SCAMP4: variants seen among roughly 807,000 people sequenced by gnomAD.
The protein encoded by SCAMP4 is secretory carrier-associated membrane protein 4.
A neutral mutation model predicts 32.1 loss-of-function variants in SCAMP4; 19 were observed. The ratio of observed to expected loss-of-function variants is 0.59; its 90% CI spans 0.41 to 0.87. SCAMP4 has a LOEUF of 0.87. SCAMP4 is among the 40% of genes least tolerant of loss of function. The probability of loss-of-function intolerance (pLI) is 0.00; values close to 1 mark genes in which losing one functional copy is unlikely to be tolerated. For missense variants in SCAMP4, 302 were observed against 309.0 expected, an observed-to-expected ratio of 0.98 and a Z score of 0.17; for synonymous variants, 152 against 132.7, an observed-to-expected ratio of 1.15 and a Z score of -1.00.
intron 1 of SCAMP4, among the ~76,000 whole-genome samples, chr19:1,907,837 G>A (rs892061249): frequency 1.3e-5 from 2 of 152,156 alleles, no homozygotes; most frequent in African/African-American, 4.8e-5. Context: ...GTCGCTGTGG[G>A]AGTGAGTCGT....
chr19:1,922,899 G>A lies in SCAMP4; in HGVS notation c.396-171G>A, dbSNP rs575007750. On this transcript the variant is annotated intron_variant, in intron 5 of 6. Transcript: ENST00000316097. ...AAGGTCGTATTCACGCGTTGAAGTT[G>A]GTGCCTCTCAGTATCGCTTTATGTT... is the stretch of plus-strand genomic sequence containing the variant. 5 of 1,337,950 alleles carry A rather than the reference G, an allele frequency of 3.7e-6. No homozygotes were observed. In the South Asian group the frequency reaches 9.8e-5, roughly 26 times the overall value. 82.9% of individuals were successfully genotyped at this position (1,337,950 alleles called of 1,614,324 possible). A position where few individuals can be genotyped will look rare whatever the true frequency, so the allele number is the denominator to read the frequency against.
rs890987305 is a variant in SCAMP4 at position 1,908,407 on chromosome 19, G to A, written c.-42+2968G>A. Reference sequence around the variant, plus strand: ...TGTGGGGCGCCCCGGCGGCTGAGGCGTGGACCAGGCAGTGCATGTCGAGGA... The same window carrying A: ...TGTGGGGCGCCCCGGCGGCTGAGGCATGGACCAGGCAGTGCATGTCGAGGA... On this transcript the variant is annotated intron_variant, in intron 1 of 6. Transcript: ENST00000316097. The surrounding 1 kb of genome is among the most constrained non-coding windows in gnomAD (Gnocchi z 4.2). The A allele has an allele frequency of 1.8e-5, 8 of 443,290 alleles. No individual in the cohort carries two copies. The highest frequency in any genetic ancestry group is 3.3e-5 in the South Asian group (2 of 61,452). 27.5% of individuals were successfully genotyped at this position (443,290 alleles called of 1,614,324 possible). A position where few individuals can be genotyped will look rare whatever the true frequency, so the allele number is the denominator to read the frequency against.
intron 1 of SCAMP4, chr19:1,913,465 G>T (rs1262369005): frequency 1.7e-5 from 8 of 467,778 alleles, no homozygotes; most frequent in Non-Finnish European, 3.1e-5. Context: ...TCTGTTAGGA[G>T]GTGTGTGCCT....
At position 1,923,277 on chromosome 19, in the gene SCAMP4, C is replaced by A. The variant is rs561124066; in HGVS notation, c.513+90C>A. On this transcript the variant is annotated intron_variant, in intron 6 of 6. Coordinates refer to ENST00000316097, the MANE Select transcript of SCAMP4 (RefSeq NM_079834.4). ...TCCCAGGTGGGTGAACGTCGAGGAGCCGGGCCCTCTCCCCACGGTGTCACG... is the reference window on the plus strand; with the variant it reads ...TCCCAGGTGGGTGAACGTCGAGGAGACGGGCCCTCTCCCCACGGTGTCACG... The A allele has an allele frequency of 9.0e-5, 102 of 1,136,062 alleles. No homozygotes were observed. The African/African-American group carries it at 1.3e-3, about 15-fold the overall frequency. The allele number at this position is 1,136,062 out of a possible 1,614,324, so 70.4% of individuals were successfully genotyped here. A position where few individuals can be genotyped will look rare whatever the true frequency, so the allele number is the denominator to read the frequency against.
At chr19:1,914,823 A>G (rs2013674521) in intron 1 of SCAMP4, among the ~76,000 whole-genome samples, 156 bp from the exon 2 acceptor site, 2 of 152,148 alleles carry the variant, frequency 1.3e-5, no homozygotes, top group Admixed American at 1.3e-4. Context: ...GTGGGGTAAC[A>G]CATTGGGTCG....
rs745985394 is a variant in SCAMP4, at chr19:1,924,247, C to G, written c.653C>G (p.Thr218Ser). The G allele has an allele frequency of 4.4e-6, 7 of 1,603,784 alleles. No individual in the cohort carries two copies. The highest frequency in any genetic ancestry group is 4.3e-6 in the Non-Finnish European group (5 of 1,175,592). ...GGCAACAGCCTGCCCGAGTACCCCA[C>G]TGTGCCCAGCTACCCGGGCAGTGGC... The part of the protein sequence containing the change: ...FSGNSLPEYP[T>S]VPSYPGSGQW... The change falls in exon 7 of 7, where the codon ACT becomes AGT. Residue 218 changes from threonine (T) to serine (S), a missense_variant. Coordinates refer to ENST00000316097, the MANE Select transcript of SCAMP4 (RefSeq NM_079834.4).
intron 5 of SCAMP4, 27 bp downstream of exon 5, chr19:1,919,017 G>T: frequency 6.3e-7 from 1 of 1,582,532 alleles, no homozygotes; most frequent in Non-Finnish European, 8.6e-7. Context: ...TGGGCGTGGT[G>T]GCTGTGATGT....
chr19:1,924,460 T>G lies in SCAMP4; in HGVS notation c.*176T>G. 1.6e-6 allele frequency: 1 copy of G among 613,212 alleles called. No homozygotes were observed. Among genetic ancestry groups the G allele is most frequent in the Non-Finnish European group, 2.9e-6 (1 of 346,074 alleles). The allele number at this position is 613,212 out of a possible 1,614,324, so 38.0% of individuals were successfully genotyped here. On this transcript the variant is annotated 3_prime_UTR_variant, in exon 7 of 7. Coordinates refer to ENST00000316097, the MANE Select transcript of SCAMP4 (RefSeq NM_079834.4). ...CAGGGCCACAGAACCCGTGTTCATC[T>G]CATCCGAGAGCGGAGTTCCTCACAA...
Position 1,905,633 on chromosome 19 carries a change from T to TGCGC in SCAMP4, c.-42+206_-42+209dup, listed in dbSNP as rs201231677. The TGCGC allele has an allele frequency of 9.4e-3, 1,498 of 159,274 alleles. 20 individuals carry two copies. The highest frequency in any genetic ancestry group is 0.03 in the African/African-American group (1,230 of 40,780). 9.9% of individuals were successfully genotyped at this position (159,274 alleles called of 1,614,324 possible). A position where few individuals can be genotyped will look rare whatever the true frequency, so the allele number is the denominator to read the frequency against. On this transcript the variant is annotated intron_variant, in intron 1 of 6. Coordinates refer to ENST00000316097, the MANE Select transcript of SCAMP4 (RefSeq NM_079834.4). Reference sequence around the variant, plus strand: ...CGCGGGGAGGCGGCGCGAATGCGCGTGCGCGCGCGCGCGCGGCGCTGGCCT... The same window carrying TGCGC: ...CGCGGGGAGGCGGCGCGAATGCGCGTGCGCGCGCGCGCGCGCGCGGCGCTGGCCT...
chr19:1,914,013 G>T (rs1328138090), intron 1 of SCAMP4, among the ~76,000 whole-genome samples: 7 of 152,192 alleles, frequency 4.6e-5, no homozygotes, highest in Non-Finnish European at 1.0e-4. Flanking sequence ...GGGAGTCCGT[G>T]CCTGGGGGTG....
intron 5 of SCAMP4, chr19:1,920,304 G>C (rs540554048): frequency 4.1e-6 from 4 of 985,274 alleles, no homozygotes; most frequent in Middle Eastern, 5.2e-4. Flanking sequence ...GCAAGCTCCT[G>C]TTCTGGGGTT....
rs537305142 is a variant in SCAMP4, at chr19:1,909,001, G to GA, written c.-42+3562_-42+3563insA. 1.8e-3 allele frequency among the ~76,000 whole-genome samples: 271 copies of GA among 152,082 alleles called. 1 individual carries two copies. The highest frequency in any genetic ancestry group is 6.3e-3 in the African/African-American group (261 of 41,434). Reference sequence around the variant, plus strand: ...GTGCCTGTATTCCCAGCTACTAGGGGGGCTGAGGCAGGAGAATCGCTTGAA... The same window carrying GA: ...GTGCCTGTATTCCCAGCTACTAGGGGAGGCTGAGGCAGGAGAATCGCTTGAA... On this transcript the variant is annotated intron_variant, in intron 1 of 6. Transcript: ENST00000316097.
intron 5 of SCAMP4, 173 bp downstream of exon 5, chr19:1,919,163 GTCC>G (rs776122051): frequency 2.8e-6 from 4 of 1,434,040 alleles, no homozygotes; most frequent in Non-Finnish European, 3.6e-6. Flanking sequence ...CAGCGCCCGC[GTCC>G]TCGCCAGCAC....
intron 1 of SCAMP4, chr19:1,912,125 G>GC (rs758090388): frequency 6.4e-7 from 1 of 1,550,892 alleles, no homozygotes; most frequent in Non-Finnish European, 8.7e-7. Flanking sequence ...TCGTGGAGCA[G>GC]CCCAAGTGCT....
rs2013972200 is a variant in SCAMP4 at position 1,923,105 on chromosome 19, G to T, written c.431G>T (p.Ser144Ile). ...TCGGCAATTGGATTCTTCCAGTACA[G>T]CCCGGGCGCTGCCGTGGTCATGCTG... The part of the protein sequence containing the change: ...WLSAIGFFQY[S>I]PGAAVVMLLP... Residue 144 changes from serine to isoleucine, a missense_variant, in exon 6 of 7, where the codon AGC (serine) becomes ATC (isoleucine). By Grantham distance (142) the Ser-to-Ile change is moderately radical (BLOSUM62 -2). Transcript: ENST00000316097. The T allele has an allele frequency of 6.4e-7, 1 of 1,552,500 alleles. No individual in the cohort carries two copies. Among genetic ancestry groups the T allele is most frequent in the Non-Finnish European group, 8.7e-7 (1 of 1,147,674 alleles).
intron 1 of SCAMP4, chr19:1,912,150 C>T (rs2013489763): frequency 1.9e-6 from 3 of 1,566,556 alleles, no homozygotes; most frequent in Non-Finnish European, 2.6e-6. Context: ...GGCCGGGAGC[C>T]CGGAGCCTGA....
Position 1,924,426 on chromosome 19 carries a change from C to G in SCAMP4, c.*142C>G. ...AGCCGGTGGTGGCCACGGACCGCCC[C>G]CCTCCTGCCAGGGCCACAGAACCCG... is the stretch of plus-strand genomic sequence containing the variant. On this transcript the variant is annotated 3_prime_UTR_variant, in exon 7 of 7. Transcript: ENST00000316097. The G allele has an allele frequency of 1.5e-6, 1 of 686,660 alleles. No individual in the cohort carries two copies. The highest frequency in any genetic ancestry group is 2.5e-6 in the Non-Finnish European group (1 of 405,148). 42.5% of individuals were successfully genotyped at this position (686,660 alleles called of 1,614,324 possible).
At chr19:1,910,136 G>A (rs1356933229) in intron 1 of SCAMP4, among the ~76,000 whole-genome samples, 2 of 152,156 alleles carry the variant, frequency 1.3e-5, no homozygotes, top group Non-Finnish European at 2.9e-5. Flanking sequence ...TCTGTGGGTC[G>A]GGGCCTGAAT....
At chr19:1,918,824 C>G (rs1460847460) in intron 4 of SCAMP4, 65 bp from the exon 5 acceptor site, 5 of 1,553,812 alleles carry the variant, frequency 3.2e-6, no homozygotes, top group Non-Finnish European at 4.4e-6. Context: ...TGGCCCGTTC[C>G]TCTCTAGGCG....
Sources: allele counts gnomAD v4.1 joint callset (sites outside exome capture counted in the v4.1 genomes callset), GRCh38; gene constraint gnomAD v4.1.1; non-coding constraint Gnocchi (gnomAD v3.1); transcripts MANE v1.5; gene names NCBI Gene and HGNC (gene_info 2026-07-23, HGNC 2026-07-21).